EDC3: variants seen among roughly 807,000 people sequenced by gnomAD.
EDC3 encodes enhancer of mRNA-decapping protein 3.
A neutral mutation model predicts 41.8 loss-of-function variants in EDC3; 20 were observed. The observed-to-expected ratio is 0.48, with a 90% CI of 0.34 to 0.70. The LOEUF (loss-of-function observed/expected upper bound fraction) is 0.70, where lower values mean the gene tolerates loss of function less well. Among genes scored for constraint, EDC3 ranks in the 30% least tolerant of loss-of-function variants. The pLI is 0.01. For synonymous variants in EDC3, 206 were observed against 243.2 expected (o/e 0.85, Z 1.42); for missense variants, 444 against 636.8 (o/e 0.70, Z 3.26).
chr15:74,680,438 G>A (rs1371823490), intron 1 of EDC3, among the ~76,000 whole-genome samples: 3 of 151,842 alleles, frequency 2.0e-5, no homozygotes, highest in African/African-American at 7.3e-5. Context: ...TGACAAAATC[G>A]AACACCCATT....
intron 1 of EDC3, among the ~76,000 whole-genome samples, chr15:74,680,788 A>G (rs2062862255): frequency 6.6e-6 from 1 of 152,248 alleles, no homozygotes; most frequent in South Asian, 2.1e-4. Flanking sequence ...AGATTGTGGG[A>G]TACAAGATAA....
intron 1 of EDC3, among the ~76,000 whole-genome samples, chr15:74,679,028 T>G (rs1226268931): frequency 1.3e-5 from 2 of 148,518 alleles, no homozygotes; most frequent in Non-Finnish European, 3.0e-5. Flanking sequence ...CCATCTCTAC[T>G]AAAAATACAA....
At chr15:74,639,014 C>T (rs2062313568) in intron 5 of EDC3, 1 of 152,030 alleles carries the variant, frequency 6.6e-6, no homozygotes, top group Non-Finnish European at 1.5e-5. Flanking sequence ...AACTCCTGGG[C>T]TCAAGCAGTC....
At chr15:74,655,684 A>C in intron 4 of EDC3, 49 bp downstream of exon 4, 3 of 1,536,162 alleles carry the variant, frequency 2.0e-6, no homozygotes, top group Non-Finnish European at 2.6e-6. Context: ...TTCAAGCATA[A>C]TAGAAAGGCA....
chr15:74,664,436 G>A (rs141811450), intron 3 of EDC3, among the ~76,000 whole-genome samples: 4 of 152,372 alleles, frequency 2.6e-5, no homozygotes, highest in Admixed American at 6.5e-5. Flanking sequence ...TTCCTGTGCC[G>A]TTTTTCTGCC....
chr15:74,649,171 TCTC>T (rs1313040772), intron 4 of EDC3, among the ~76,000 whole-genome samples: 10 of 148,972 alleles, frequency 6.7e-5, no homozygotes, highest in African/African-American at 2.5e-4. Flanking sequence ...TTCACGCCAT[TCTC>T]CTGCCTCAGC....
At chr15:74,649,587 T>C (rs2062457192) in intron 4 of EDC3, among the ~76,000 whole-genome samples, 1 of 152,206 alleles carries the variant, frequency 6.6e-6, no homozygotes, top group African/African-American at 2.4e-5. Flanking sequence ...CCTTTGCAAA[T>C]TCACATTTGA....
Position 74,632,362 on chromosome 15 carries a change from G to T in EDC3, c.*250C>A, listed in dbSNP as rs1395082783. On this transcript the variant is annotated 3_prime_UTR_variant, in exon 7 of 7. Coordinates refer to ENST00000315127, the MANE Select transcript of EDC3 (RefSeq NM_025083.5). This position sits in a 1 kb window ranked among gnomAD's most constrained non-coding sequence, Gnocchi z 4.0. ...AAACAAAGGCCCACCTGGCCGTGCA[G>T]GGGGCTGAGGGTAGAGATGCCTGGA... The T allele has an allele frequency of 2.7e-5, 15 of 554,134 alleles. No individual in the cohort carries two copies. The highest frequency in any genetic ancestry group is 4.8e-5 in the Non-Finnish European group (15 of 309,604). 34.3% of individuals were successfully genotyped at this position (554,134 alleles called of 1,614,324 possible).
At chr15:74,643,177 CA>C (rs1339840862) in intron 4 of EDC3, 1 of 152,098 alleles carries the variant, frequency 6.6e-6, no homozygotes, top group Non-Finnish European at 1.5e-5. Flanking sequence ...AAATAAATTC[CA>C]AAGGAAAGGA....
chr15:74,694,342 C>G (rs1452837005), intron 1 of EDC3, among the ~76,000 whole-genome samples: 1 of 151,970 alleles, frequency 6.6e-6, no homozygotes, highest in Non-Finnish European at 1.5e-5. Context: ...AAGTTTAGTT[C>G]TTGTTGCCCA....
chr15:74,690,365 C>T lies in EDC3; in HGVS notation c.-19+5515G>A, dbSNP rs140034217. Among the ~76,000 whole-genome samples, 432 of 152,130 alleles carry T rather than the reference C, an allele frequency of 2.8e-3. 5 individuals carry two copies. Among genetic ancestry groups the T allele is most frequent in the East Asian group, 0.024 (125 of 5,174 alleles). ...GCCTTTGGATAACAAAGTCAGGTAG[C>T]GCTAAACACTCTTCCATCTATTATA... On this transcript the variant is annotated intron_variant, in intron 1 of 6. Transcript: ENST00000315127.
chr15:74,640,736 C>A, intron 4 of EDC3, 117 bp from the exon 5 acceptor site: 1 of 1,296,222 alleles, frequency 7.7e-7, no homozygotes, highest in South Asian at 1.3e-5. Context: ...CACCCCTGGC[C>A]CATCCTCTTC....
intron 1 of EDC3, among the ~76,000 whole-genome samples, chr15:74,679,159 G>A (rs1327977828): frequency 6.6e-6 from 1 of 152,012 alleles, no homozygotes; most frequent in Non-Finnish European, 1.5e-5. Flanking sequence ...TCGCGCCACT[G>A]CACTCCAGCC....
At chr15:74,674,491 T>G (rs536633299) in intron 2 of EDC3, among the ~76,000 whole-genome samples, 1 of 152,262 alleles carries the variant, frequency 6.6e-6, no homozygotes, top group African/African-American at 2.4e-5. Context: ...CAAAAACTAA[T>G]TCAGCAAGAT....
chr15:74,679,447 C>T (rs1166183102), intron 1 of EDC3, among the ~76,000 whole-genome samples: 3 of 151,940 alleles, frequency 2.0e-5, no homozygotes, highest in Non-Finnish European at 2.9e-5. Flanking sequence ...TTTTAAAAAT[C>T]GATCAATTTT....
intron 6 of EDC3, among the ~76,000 whole-genome samples, chr15:74,633,926 G>A (rs1177591694): frequency 6.6e-6 from 1 of 152,206 alleles, no homozygotes; most frequent in Non-Finnish European, 1.5e-5. Context: ...TCTCAAGAGT[G>A]AGAGTGGCAT....
At chr15:74,672,287 AAG>A (rs201399033) in intron 2 of EDC3, among the ~76,000 whole-genome samples, 91,818 of 107,872 alleles carry the variant, frequency 0.85, 38,899 homozygotes, top group South Asian at 0.91. Context: ...AAAAAAAAAA[AAG>A]AGAGGCTATT....
At chr15:74,650,303 C>G (rs1468228970) in intron 4 of EDC3, among the ~76,000 whole-genome samples, 1 of 152,192 alleles carries the variant, frequency 6.6e-6, no homozygotes, top group Non-Finnish European at 1.5e-5. Flanking sequence ...TATTTTAGTT[C>G]CTTCTACTCC....
At chr15:74,676,730 A>G (rs1358312193) in intron 1 of EDC3, among the ~76,000 whole-genome samples, 1 of 152,234 alleles carries the variant, frequency 6.6e-6, no homozygotes, top group Non-Finnish European at 1.5e-5. Flanking sequence ...GACATATTTG[A>G]TAAAGGTCTG....
Sources: allele counts gnomAD v4.1 joint callset (sites outside exome capture counted in the v4.1 genomes callset), GRCh38; gene constraint gnomAD v4.1.1; non-coding constraint Gnocchi (gnomAD v3.1); transcripts MANE v1.5; gene names NCBI Gene and HGNC (gene_info 2026-07-23, HGNC 2026-07-21).